The following RETREG1 variants were observed in gnomAD, a reference collection of about 807,000 sequenced individuals.
The protein encoded by RETREG1 is family with sequence similarity 134 member B.
In RETREG1, 44 loss-of-function variants were observed where a neutral mutation model predicts 54.8. The observed-to-expected ratio is 0.80, with a 90% confidence interval of 0.63 to 1.03. RETREG1 has a LOEUF of 1.03. Among genes scored for constraint, RETREG1 ranks in the 50% least tolerant of loss-of-function variants. The pLI, the probability that RETREG1 is intolerant of heterozygous loss-of-function variation, is 0.00. For synonymous variants in RETREG1, 217 were observed against 238.5 expected, an observed-to-expected ratio of 0.91 and a Z score of 0.83; for missense variants, 554 against 605.1, an observed-to-expected ratio of 0.92 and a Z score of 0.89.
chr5:16,543,612 G>T (rs1393036884), intron 3 of RETREG1, among the ~76,000 whole-genome samples: 1 of 151,154 alleles, frequency 6.6e-6, no homozygotes, highest in Admixed American at 6.6e-5. Context: ...GGAGGCGGAG[G>T]TTGCAGTGAG....
chr5:16,585,694 T>C lies in RETREG1; in HGVS notation c.321-13592A>G, dbSNP rs1742609996. Among the ~76,000 whole-genome samples, 1 of 152,180 alleles carries C rather than the reference T, an allele frequency of 6.6e-6. No homozygotes were observed. Among genetic ancestry groups the C allele is most frequent in the South Asian group, 2.1e-4 (1 of 4,834 alleles). On this transcript the variant is annotated intron_variant, in intron 1 of 8. Transcript: ENST00000306320. This position sits in a 1 kb window ranked among gnomAD's most constrained non-coding sequence, Gnocchi z 4.5. ...AAAGAAAAGAGATTTAACTGGCTCT[T>C]GGTTCTGCAGGCTGTACAGGAAGCA...
chr5:16,581,745 G>GA (rs924247339), intron 1 of RETREG1, among the ~76,000 whole-genome samples: 6 of 101,584 alleles, frequency 5.9e-5, no homozygotes, highest in East Asian at 4.5e-4. Flanking sequence ...CCAATTAAAA[G>GA]AAAAAAAACG....
At chr5:16,570,880 G>A (rs987888910) in intron 2 of RETREG1, among the ~76,000 whole-genome samples, 3 of 152,114 alleles carry the variant, frequency 2.0e-5, no homozygotes, top group Admixed American at 2.0e-4. Context: ...AGGGAAAAAA[G>A]GGAGAGAAGG....
At chr5:16,550,278 A>T (rs1741497392) in intron 3 of RETREG1, among the ~76,000 whole-genome samples, 1 of 150,748 alleles carries the variant, frequency 6.6e-6, no homozygotes. Flanking sequence ...TAAAATTTAA[A>T]AAAAAAAAAG....
chr5:16,605,839 C>G (rs1182108429), intron 1 of RETREG1, among the ~76,000 whole-genome samples: 1 of 152,142 alleles, frequency 6.6e-6, no homozygotes, highest in South Asian at 2.1e-4. Flanking sequence ...TATAAGGGCA[C>G]TAATCCCACT....
intron 4 of RETREG1, among the ~76,000 whole-genome samples, chr5:16,482,025 A>T (rs1055528316): frequency 3.9e-5 from 6 of 152,068 alleles, no homozygotes; most frequent in Non-Finnish European, 8.8e-5. Context: ...ACTGATGATG[A>T]TAAAGAGCAA....
rs1047798919 is a variant in RETREG1, at chr5:16,485,417, C to A, written c.459-1945G>T. On this transcript the variant is annotated intron_variant, in intron 3 of 8. Transcript: ENST00000306320. ...CTCCTGGCCTCAAACAATCCTCCCA[C>A]CTTGGCCTTCCAAAGTGCTGGGATT... 2.0e-5 allele frequency among the ~76,000 whole-genome samples: 3 copies of A among 152,152 alleles called. No individual in the cohort carries two copies. The South Asian group carries it at 6.2e-4, about 31-fold the overall frequency.
intron 3 of RETREG1, among the ~76,000 whole-genome samples, chr5:16,505,581 G>A (rs577484652): frequency 5.9e-5 from 9 of 152,258 alleles, no homozygotes; most frequent in South Asian, 4.1e-4. Context: ...TCTGGAAAGC[G>A]CTTCCACAAG....
At chr5:16,576,575 T>C (rs559918774) in intron 1 of RETREG1, among the ~76,000 whole-genome samples, 1 of 152,314 alleles carries the variant, frequency 6.6e-6, no homozygotes, top group Non-Finnish European at 1.5e-5. Flanking sequence ...AACCTCCGCC[T>C]CCCAGGTTCA....
intron 1 of RETREG1, among the ~76,000 whole-genome samples, chr5:16,596,417 G>A (rs1437068993): frequency 6.6e-6 from 1 of 152,194 alleles, no homozygotes; most frequent in Non-Finnish European, 1.5e-5. Flanking sequence ...AAAGCTGCCA[G>A]AGTGGCTTTT....
intron 1 of RETREG1, among the ~76,000 whole-genome samples, chr5:16,607,859 C>A (rs1286061778): frequency 6.6e-6 from 1 of 151,616 alleles, no homozygotes; most frequent in African/African-American, 2.4e-5. Flanking sequence ...CCTCCCCTCC[C>A]CTCCACTCTC....
chr5:16,541,709 G>T (rs907123717), intron 3 of RETREG1, among the ~76,000 whole-genome samples: 4 of 135,110 alleles, frequency 3.0e-5, no homozygotes, highest in African/African-American at 5.5e-5. Context: ...AAAGAAAAGA[G>T]AAGAAAAGAG....
At chr5:16,492,535 C>T (rs1739292881) in intron 3 of RETREG1, among the ~76,000 whole-genome samples, 1 of 151,714 alleles carries the variant, frequency 6.6e-6, no homozygotes. Flanking sequence ...CTGCTGCAAC[C>T]ATCACACCTA....
At chr5:16,526,161 T>C (rs1041027189) in intron 3 of RETREG1, among the ~76,000 whole-genome samples, 2 of 152,364 alleles carry the variant, frequency 1.3e-5, no homozygotes, top group African/African-American at 4.8e-5. Context: ...CCGATGCCCA[T>C]GGAGGGCCAT....
chr5:16,613,649 T>C (rs552787807), intron 1 of RETREG1, among the ~76,000 whole-genome samples: 1 of 152,302 alleles, frequency 6.6e-6, no homozygotes, highest in African/African-American at 2.4e-5. Flanking sequence ...AATATATCTT[T>C]AAAAAGTTTA....
rs1738413987 is a variant in RETREG1 at position 16,474,018 on chromosome 5, G to C, written c.*723C>G. The stretch of plus-strand genomic sequence containing the variant: ...TGAATCTGTTTACATCATAACCATT[G>C]TCTATGTGATACACAACTGCTTGCT... On this transcript the variant is annotated 3_prime_UTR_variant, in exon 9 of 9. Coordinates refer to ENST00000306320, the MANE Select transcript of RETREG1 (RefSeq NM_001034850.3). The C allele has an allele frequency of 6.6e-6, 1 of 152,296 alleles. No homozygotes were observed. Among genetic ancestry groups the C allele is most frequent in the South Asian group, 2.1e-4 (1 of 4,836 alleles). The allele number at this position is 152,296 out of a possible 1,614,324, so 9.4% of individuals were successfully genotyped here.
At chr5:16,587,093 C>G (rs1306808338) in intron 1 of RETREG1, among the ~76,000 whole-genome samples, 1 of 152,186 alleles carries the variant, frequency 6.6e-6, no homozygotes, top group African/African-American at 2.4e-5. Flanking sequence ...AAAGGAGACA[C>G]TCAGTCCTTT....
chr5:16,559,552 C>T (rs975453985), intron 3 of RETREG1, among the ~76,000 whole-genome samples: 1 of 152,000 alleles, frequency 6.6e-6, no homozygotes, highest in Admixed American at 6.6e-5. Flanking sequence ...GCTTTAGATG[C>T]CAAGGAAAAA....
At chr5:16,533,267 T>C (rs1192576263) in intron 3 of RETREG1, among the ~76,000 whole-genome samples, 3 of 152,072 alleles carry the variant, frequency 2.0e-5, no homozygotes. Flanking sequence ...ATGGTCTTGA[T>C]CTCCTGACCT....
Sources: gnomAD v4.1 joint callset for allele counts (sites outside exome capture counted in the v4.1 genomes callset) on GRCh38, gnomAD v4.1.1 for gene constraint, Gnocchi (gnomAD v3.1) non-coding constraint, MANE v1.5 for transcripts, NCBI Gene and HGNC (gene_info 2026-07-23, HGNC 2026-07-21) for gene names.